The following SLC27A6 variants were observed in gnomAD, a reference collection of about 807,000 sequenced individuals.
The protein encoded by SLC27A6 is solute carrier family 27 member 6.
Under a neutral mutation model 63.9 loss-of-function variants are expected in SLC27A6, and 74 were observed. The ratio of observed to expected loss-of-function variants is 1.16; its 90% confidence interval spans 0.96 to 1.40. SLC27A6 has a LOEUF of 1.40. SLC27A6 is among the 40% of genes most tolerant of loss of function. The pLI, the probability that SLC27A6 is intolerant of heterozygous loss-of-function variation, is 0.00. For missense variants in SLC27A6, 794 were observed against 732.9 expected (o/e 1.08, Z -0.96); for synonymous variants, 287 against 260.8 (o/e 1.10, Z -0.97).
chr5:129,022,305 A>G (rs1413120796), intron 5 of SLC27A6, among the ~76,000 whole-genome samples: 1 of 152,164 alleles, frequency 6.6e-6, no homozygotes, highest in Non-Finnish European at 1.5e-5. Context: ...ACTCTTAAAC[A>G]CTTAGCACAG....
chr5:128,971,590 G>GT (rs1348340943), intron 1 of SLC27A6, among the ~76,000 whole-genome samples: 1 of 112,670 alleles, frequency 8.9e-6, no homozygotes. Context: ...CCTGCTTTTT[G>GT]TTTTTTTGTT....
intron 8 of SLC27A6, among the ~76,000 whole-genome samples, chr5:129,028,838 T>C (rs1752329728): frequency 1.3e-5 from 2 of 152,046 alleles, no homozygotes; most frequent in African/African-American, 4.8e-5. Flanking sequence ...TTAAGATGGC[T>C]CTTTATAAAA....
chr5:129,006,174 G>A (rs1000149973), intron 4 of SLC27A6, among the ~76,000 whole-genome samples: 5 of 137,664 alleles, frequency 3.6e-5, no homozygotes, highest in Admixed American at 1.6e-4. Flanking sequence ...CACCTCCTCC[G>A]TTCACGCCAT....
intron 5 of SLC27A6, among the ~76,000 whole-genome samples, chr5:129,021,191 G>A (rs1199599669): frequency 6.7e-6 from 1 of 148,366 alleles, no homozygotes; most frequent in Admixed American, 6.9e-5. Flanking sequence ...GTTGCCCAAA[G>A]GTTTTAGACA....
chr5:128,987,209 A>G (rs1750820259), intron 2 of SLC27A6, among the ~76,000 whole-genome samples: 1 of 152,134 alleles, frequency 6.6e-6, no homozygotes, highest in Admixed American at 6.6e-5. Context: ...TTCTTTTAAT[A>G]CTTGACTGTT....
At position 129,015,937 on chromosome 5, in the gene SLC27A6, G is replaced by A. The variant is rs765012492; in HGVS notation, c.1022G>A (p.Arg341Gln). The change falls in exon 5 of 10, where the codon CGG (arginine) becomes CAG (glutamine). Residue 341 changes from arginine to glutamine, a missense_variant. Arg to Gln is a conservative substitution (Grantham distance 43). Transcript: ENST00000262462. ...CGTTTGGCAATTGGAAATGGCATACGGAGTGATGTATGGAGAGAATTTTTA... is the reference window on the plus strand; with the variant it reads ...CGTTTGGCAATTGGAAATGGCATACAGAGTGATGTATGGAGAGAATTTTTA... ...KVRLAIGNGI[R>Q]SDVWREFLDR... The A allele has an allele frequency of 3.4e-5, 55 of 1,603,338 alleles. No homozygotes were observed. The highest frequency in any genetic ancestry group is 5.2e-5 in the Admixed American group (3 of 57,956).
intron 4 of SLC27A6, among the ~76,000 whole-genome samples, chr5:128,999,414 G>A (rs1046732044): frequency 2.0e-5 from 3 of 152,004 alleles, no homozygotes; most frequent in African/African-American, 2.4e-5. Flanking sequence ...GCATGCCCCT[G>A]ACTCACTCTC....
chr5:129,014,960 C>G (rs1175345184), intron 4 of SLC27A6, among the ~76,000 whole-genome samples: 1 of 152,126 alleles, frequency 6.6e-6, no homozygotes, highest in Non-Finnish European at 1.5e-5. Context: ...ACTTTAAAAC[C>G]ATTTAAATGG....
intron 4 of SLC27A6, 139 bp downstream of exon 4, chr5:128,990,603 A>G: frequency 1.1e-6 from 1 of 873,918 alleles, no homozygotes. Flanking sequence ...AGATAGTGGC[A>G]GGTGCTACCT....
rs71000903 is a variant in SLC27A6 at position 129,009,671 on chromosome 5, T to TTGTGTG, written c.970-6193_970-6188dup. Among the ~76,000 whole-genome samples, 56 of 149,178 alleles carry TTGTGTG rather than the reference T, an allele frequency of 3.8e-4. 1 individual carries two copies. In the East Asian group the frequency reaches 6.2e-3, roughly 16 times the overall value. ...ACTCCCCATCATAGCTAACATTTCT[T>TTGTGTG]TGTGTGTGTGTGTGTGTGTGTGTGT... On this transcript the variant is annotated intron_variant, in intron 4 of 9. Coordinates refer to ENST00000262462, the MANE Select transcript of SLC27A6 (RefSeq NM_001017372.3).
intron 1 of SLC27A6, among the ~76,000 whole-genome samples, chr5:128,970,645 C>G (rs976359511): frequency 6.6e-6 from 1 of 151,988 alleles, no homozygotes; most frequent in Non-Finnish European, 1.5e-5. Context: ...TGACTCTTCT[C>G]TCTTTTCTTC....
Position 129,033,335 on chromosome 5 carries a change from G to T in SLC27A6, c.*53G>T, listed in dbSNP as rs1752471199. The T allele has an allele frequency of 1.3e-5, 14 of 1,097,500 alleles. No homozygotes were observed. Among genetic ancestry groups the T allele is most frequent in the Non-Finnish European group, 1.8e-5 (14 of 776,770 alleles). 68.0% of individuals were successfully genotyped at this position (1,097,500 alleles called of 1,614,324 possible). A position where few individuals can be genotyped will look rare whatever the true frequency, so the allele number is the denominator to read the frequency against. On this transcript the variant is annotated 3_prime_UTR_variant, in exon 10 of 10. Coordinates refer to ENST00000262462, the MANE Select transcript of SLC27A6 (RefSeq NM_001017372.3). ...CTTTCTTAGGAAGAGTGAGAGGGGG[G>T]TATATGATTCTTTATGAAATGGGGA...
chr5:129,027,486 T>C (rs1025436548), intron 7 of SLC27A6, among the ~76,000 whole-genome samples, 155 bp downstream of exon 7: 4 of 152,148 alleles, frequency 2.6e-5, no homozygotes, highest in South Asian at 4.1e-4. Context: ...CATCTGTTTC[T>C]AGACTGAACC....
chr5:129,030,345 C>T (rs916286161), intron 9 of SLC27A6, among the ~76,000 whole-genome samples: 2 of 151,848 alleles, frequency 1.3e-5, no homozygotes, highest in Non-Finnish European at 2.9e-5. Flanking sequence ...TATAATTTCC[C>T]AAAATTATTA....
intron 1 of SLC27A6, among the ~76,000 whole-genome samples, chr5:128,973,812 G>T (rs1750278788): frequency 6.6e-6 from 1 of 152,172 alleles, no homozygotes; most frequent in Non-Finnish European, 1.5e-5. Context: ...GATGAATCCG[G>T]TACCTCAGTT....
At chr5:129,006,483 G>A (rs1306771084) in intron 4 of SLC27A6, among the ~76,000 whole-genome samples, 3 of 143,702 alleles carry the variant, frequency 2.1e-5, no homozygotes, top group African/African-American at 7.7e-5. Context: ...GTGTGTGTGT[G>A]TTGTGTGTCT....
chr5:129,012,389 C>T (rs182338003), intron 4 of SLC27A6, among the ~76,000 whole-genome samples: 4 of 151,592 alleles, frequency 2.6e-5, no homozygotes, highest in East Asian at 1.9e-4. Flanking sequence ...AACAAATGAT[C>T]GATCTATTTT....
intron 9 of SLC27A6, among the ~76,000 whole-genome samples, chr5:129,031,753 C>G (rs1752422684): frequency 6.6e-6 from 1 of 151,726 alleles, no homozygotes; most frequent in African/African-American, 2.4e-5. Context: ...TTACAGGACC[C>G]AGGAAAATAT....
intron 7 of SLC27A6, 25 bp downstream of exon 7, chr5:129,027,356 G>T: frequency 6.5e-7 from 1 of 1,534,686 alleles, no homozygotes; most frequent in Non-Finnish European, 9.0e-7. Context: ...GGGATCCATA[G>T]CTTGTTCTGT....
Sources: gnomAD v4.1 joint callset for allele counts (sites outside exome capture counted in the v4.1 genomes callset) on GRCh38, gnomAD v4.1.1 for gene constraint, MANE v1.5 for transcripts, NCBI Gene and HGNC (gene_info 2026-07-23, HGNC 2026-07-21) for gene names.